ACYP1: variants seen among roughly 807,000 people sequenced by gnomAD.
The protein encoded by ACYP1 is acylphosphatase 1.
A neutral mutation model predicts 10.4 loss-of-function variants in ACYP1; 8 were observed. The ratio of observed to expected loss-of-function variants is 0.77; its 90% CI spans 0.45 to 1.38. The LOEUF is 1.38. Ranked by LOEUF, ACYP1 falls within the 40% of genes most tolerant of loss-of-function variation. The probability of loss-of-function intolerance (pLI) is 0.00; values close to 1 mark genes in which losing one functional copy is unlikely to be tolerated. For missense variants in ACYP1, 93 were observed against 117.3 expected, an observed-to-expected ratio of 0.79 and a Z score of 0.96; for synonymous variants, 38 against 40.8, an observed-to-expected ratio of 0.93 and a Z score of 0.26.
chr14:75,064,358 A>G (rs1330949303), upstream of ACYP1: 2 of 152,324 alleles, frequency 1.3e-5, no homozygotes, highest in African/African-American at 4.8e-5. Context: ...ACTGTGTGCC[A>G]GGCACCTGTT....
chr14:75,069,016 T>G (rs375518421), upstream of ACYP1, among the ~76,000 whole-genome samples: 1 of 152,378 alleles, frequency 6.6e-6, no homozygotes, highest in African/African-American at 2.4e-5. Flanking sequence ...TTATCATCAT[T>G]ACATTTGGCT....
chr14:75,057,804 A>C (rs1289583996), intron 2 of ACYP1, among the ~76,000 whole-genome samples: 1 of 149,940 alleles, frequency 6.7e-6, no homozygotes, highest in African/African-American at 2.5e-5. Flanking sequence ...CCGTCTATTA[A>C]AAATACAAAA....
intron 2 of ACYP1, among the ~76,000 whole-genome samples, chr14:75,062,748 C>T (rs1003784174): frequency 6.6e-6 from 1 of 151,342 alleles, no homozygotes; most frequent in Non-Finnish European, 1.5e-5. Context: ...ATAGCCAATA[C>T]CTACAGAAGG....
intron 1 of ACYP1, chr14:75,069,198 G>T (rs577710403): frequency 1.5e-5 from 22 of 1,516,270 alleles, no homozygotes; most frequent in South Asian, 1.4e-4. Flanking sequence ...GAGCGCGCGC[G>T]TGCAGCCATA....
In ACYP1 at chr14:75,053,614, C is replaced by A; in HGVS notation, c.130G>T (p.Asp44Tyr). ...LGLVGWVQNT[D>Y]RGTVQGQLQG... The stretch of plus-strand genomic sequence containing the variant: ...AATTGTCCTTGCACTGTGCCCCGGT[C>A]AGTGTTCTGGACCCAGCCTACCAAT... Residue 44 changes from aspartate to tyrosine, a missense_variant, in exon 3 of 3, where the codon GAC becomes TAC. Transcript: ENST00000238618. The A allele has an allele frequency of 6.2e-7, 1 of 1,614,142 alleles. No homozygotes were observed. Among genetic ancestry groups the A allele is most frequent in the South Asian group, 1.1e-5 (1 of 91,076 alleles).
At chr14:75,063,257 A>T (rs1893072872) in intron 2 of ACYP1, 1 of 547,372 alleles carries the variant, frequency 1.8e-6, no homozygotes. Flanking sequence ...ATGCTCAGGC[A>T]CCACTGACTA....
intron 2 of ACYP1, among the ~76,000 whole-genome samples, chr14:75,057,982 AAAAAAAG>A (rs1892920912): frequency 2.0e-5 from 3 of 147,618 alleles, no homozygotes; most frequent in African/African-American, 7.5e-5. Context: ...AAAAAAAAAA[AAAAAAAG>A]AACTACCTGC....
upstream of ACYP1, among the ~76,000 whole-genome samples, chr14:75,065,323 T>C (rs1893124605): frequency 6.6e-6 from 1 of 152,202 alleles, no homozygotes; most frequent in African/African-American, 2.4e-5. Flanking sequence ...TTTGTGACAG[T>C]AGGCACGGAA....
chr14:75,058,984 G>T (rs945017144), intron 2 of ACYP1, among the ~76,000 whole-genome samples: 26 of 151,870 alleles, frequency 1.7e-4, no homozygotes, highest in African/African-American at 6.3e-4. Flanking sequence ...TGGATCACGA[G>T]GTCAGGAGTT....
intron 2 of ACYP1, among the ~76,000 whole-genome samples, chr14:75,059,116 C>T (rs1470297035): frequency 3.8e-5 from 5 of 132,062 alleles, no homozygotes; most frequent in Admixed American, 1.8e-4. Flanking sequence ...ACCCTGGAGG[C>T]GGAAGGTTGC....
chr14:75,057,964 C>CAAAAAAAAAAAAAAAAAAAA (rs769312151), intron 2 of ACYP1, among the ~76,000 whole-genome samples: 2 of 38,804 alleles, frequency 5.2e-5, no homozygotes, highest in African/African-American at 1.1e-4. Context: ...GACTCTGTCT[C>CAAAAAAAAAAAAAAAAAAAA]AAAAAAAAAA....
At chr14:75,069,066 C>T (rs1893224925) in intron 1 of ACYP1, 1 of 838,930 alleles carries the variant, frequency 1.2e-6, no homozygotes, top group Non-Finnish European at 1.8e-6. Context: ...GCTAGAATTA[C>T]CACGTGAGTA....
At chr14:75,062,097 GTC>G (rs1893031777) in intron 2 of ACYP1, among the ~76,000 whole-genome samples, 1 of 18,184 alleles carries the variant, frequency 5.5e-5, no homozygotes, top group Non-Finnish European at 1.0e-4. Context: ...ATGAAACTCT[GTC>G]TCAAAAAAAA....
upstream of ACYP1, among the ~76,000 whole-genome samples, chr14:75,065,837 T>TCA (rs2139663406): frequency 1.3e-5 from 2 of 152,222 alleles, no homozygotes; most frequent in East Asian, 3.9e-4. Context: ...TAATCCAAGG[T>TCA]CACACAACCA....
intron 2 of ACYP1, among the ~76,000 whole-genome samples, chr14:75,054,306 A>G (rs1892822866): frequency 6.8e-6 from 1 of 146,136 alleles, no homozygotes; most frequent in Non-Finnish European, 1.5e-5. Context: ...ACAGCAAACC[A>G]TGAGACTACA....
At chr14:75,068,409 A>G (rs543441341), upstream of ACYP1, among the ~76,000 whole-genome samples, 1 of 152,306 alleles carries the variant, frequency 6.6e-6, no homozygotes, top group African/African-American at 2.4e-5. Context: ...AGGGTACTGA[A>G]AAGGACTAAT....
chr14:75,064,760 AT>A (rs1323854708), upstream of ACYP1, among the ~76,000 whole-genome samples: 3 of 152,160 alleles, frequency 2.0e-5, no homozygotes, highest in African/African-American at 4.8e-5. Flanking sequence ...AAATAAAAAA[AT>A]AAACATCATA....
At chr14:75,061,523 A>G (rs1379615884) in intron 2 of ACYP1, among the ~76,000 whole-genome samples, 1 of 152,210 alleles carries the variant, frequency 6.6e-6, no homozygotes, top group Non-Finnish European at 1.5e-5. Flanking sequence ...TTTCCAATCA[A>G]TATTTGTTTT....
upstream of ACYP1, among the ~76,000 whole-genome samples, chr14:75,065,236 T>C (rs534085367): frequency 5.9e-5 from 9 of 152,378 alleles, no homozygotes; most frequent in East Asian, 1.5e-3. Context: ...ATTGACTGTA[T>C]ACATTACACC....
Sources: gnomAD v4.1 joint callset for allele counts (sites outside exome capture counted in the v4.1 genomes callset) on GRCh38, gnomAD v4.1.1 for gene constraint, MANE v1.5 for transcripts, NCBI Gene and HGNC (gene_info 2026-07-23, HGNC 2026-07-21) for gene names.